ZBTB34: variants seen among roughly 807,000 people sequenced by gnomAD.
The protein encoded by ZBTB34 is zinc finger and BTB domain-containing protein 34.
ZBTB34 carries 1 observed loss-of-function variant against 33.4 expected under a neutral mutation model. The observed-to-expected ratio is 0.03, with a 90% CI of 0.01 to 0.14. The LOEUF is 0.14. ZBTB34 is among the 10% of genes least tolerant of loss of function. The probability of loss-of-function intolerance (pLI) is 1.00; values close to 1 mark genes in which losing one functional copy is unlikely to be tolerated. For synonymous variants in ZBTB34, 283 were observed against 253.5 expected, an observed-to-expected ratio of 1.12 and a Z score of -1.11; for missense variants, 406 against 657.2, an observed-to-expected ratio of 0.62 and a Z score of 4.18.
At chr9:126,878,616 G>T (rs944564480) in intron 1 of ZBTB34, among the ~76,000 whole-genome samples, 1 of 151,984 alleles carries the variant, frequency 6.6e-6, no homozygotes, top group African/African-American at 2.4e-5. Flanking sequence ...ACTGAAAAGG[G>T]TTTAGCTCCA....
At chr9:126,871,403 G>A (rs1446222651) in intron 1 of ZBTB34, among the ~76,000 whole-genome samples, 1 of 143,924 alleles carries the variant, frequency 6.9e-6, no homozygotes, top group African/African-American at 2.6e-5. Flanking sequence ...TCGCTCTGTC[G>A]CCAGGCTGGA....
chr9:126,875,492 AT>A (rs1296496571), intron 1 of ZBTB34, among the ~76,000 whole-genome samples: 1 of 151,940 alleles, frequency 6.6e-6, no homozygotes, highest in African/African-American at 2.4e-5. Flanking sequence ...CTCTCTCTTC[AT>A]TTATACAGGC....
intron 1 of ZBTB34, among the ~76,000 whole-genome samples, chr9:126,874,485 C>T (rs1452260632): frequency 6.6e-6 from 1 of 152,078 alleles, no homozygotes. Flanking sequence ...GTTCTGGTAT[C>T]TTTGTGTGCT....
At chr9:126,872,907 C>G (rs550514137) in intron 1 of ZBTB34, among the ~76,000 whole-genome samples, 1 of 152,116 alleles carries the variant, frequency 6.6e-6, no homozygotes, top group Non-Finnish European at 1.5e-5. Flanking sequence ...CATGGCGTTC[C>G]GTTTTTCTCA....
chr9:126,875,832 G>C (rs747065525), intron 1 of ZBTB34, among the ~76,000 whole-genome samples: 3 of 152,010 alleles, frequency 2.0e-5, no homozygotes, highest in Admixed American at 1.3e-4. Flanking sequence ...AGTGAGAGTC[G>C]TGATGGCAGA....
chr9:126,863,339 G>A (rs760647021), intron 1 of ZBTB34, among the ~76,000 whole-genome samples: 2 of 152,148 alleles, frequency 1.3e-5, no homozygotes, highest in Non-Finnish European at 2.9e-5. Context: ...TTTCATTATT[G>A]TTATTGTCAT....
In ZBTB34 at chr9:126,874,734, A is replaced by G. The variant is rs191465829; in HGVS notation, c.-10-4656A>G. ...ACTTCCAGCACGTCCTTCCTCCCCAACCCTTTGTACGTGTGATTCCTTCTG... is the reference window on the plus strand; with the variant it reads ...ACTTCCAGCACGTCCTTCCTCCCCAGCCCTTTGTACGTGTGATTCCTTCTG... On this transcript the variant is annotated intron_variant, in intron 1 of 1. Coordinates refer to ENST00000319119, the Ensembl canonical transcript of ZBTB34. Among the ~76,000 whole-genome samples the G allele has an allele frequency of 1.1e-3, 166 of 151,706 alleles. 1 individual carries two copies. Among genetic ancestry groups the G allele is most frequent in the African/African-American group, 3.7e-3 (154 of 41,370 alleles).
At position 126,865,909 on chromosome 9, in the gene ZBTB34, T is replaced by C. The variant is rs913091870; in HGVS notation, c.-11+5170T>C. Among the ~76,000 whole-genome samples, 3 of 152,106 alleles carry C rather than the reference T, an allele frequency of 2.0e-5. No homozygotes were observed. The South Asian group carries it at 6.2e-4, about 31-fold the overall frequency. ...CTGAGGCATGAGAATCACTTGAACC[T>C]GGGTGGCGGAGGTTACAGTGAGCCG... On this transcript the variant is annotated intron_variant, in intron 1 of 1. Coordinates refer to ENST00000319119, the Ensembl canonical transcript of ZBTB34.
chr9:126,869,485 G>A (rs900872370), intron 1 of ZBTB34, among the ~76,000 whole-genome samples: 8 of 152,132 alleles, frequency 5.3e-5, no homozygotes, highest in African/African-American at 1.4e-4. Context: ...AGCTGGTCAC[G>A]GATGATGACG....
chr9:126,882,468 G>A (rs149197870), exon 2 of ZBTB34: 35 of 167,196 alleles, frequency 2.1e-4, no homozygotes, highest in African/African-American at 7.5e-4. Context: ...CTTCAGTTCT[G>A]TATTGTGTTC....
rs747140367 is a variant in ZBTB34 at position 126,880,783 on chromosome 9, A to G, written c.1384A>G (p.Arg462Gly). Residue 462 changes from arginine (R) to glycine (G), a missense_variant, in exon 2 of 2, where the codon AGG becomes GGG. Coordinates refer to ENST00000319119, the Ensembl canonical transcript of ZBTB34. This position sits in a 1 kb window ranked among gnomAD's most constrained non-coding sequence, Gnocchi z 6.7. ...AAACCACCCAGGCGTTGCTGAAGTC[A>G]GGAGTCGCATTGAGTCCCCCGAGAG... is the stretch of plus-strand genomic sequence containing the variant. 6.2e-6 allele frequency: 10 copies of G among 1,613,822 alleles called. No individual in the cohort carries two copies. The highest frequency in any genetic ancestry group is 1.1e-5 in the South Asian group (1 of 91,072).
exon 2 of ZBTB34, chr9:126,885,758 T>C (rs2033514514): frequency 6.0e-6 from 1 of 167,154 alleles, no homozygotes; most frequent in African/African-American, 2.4e-5. Flanking sequence ...GTGACATGAA[T>C]ATTTCAGTGC....
Position 126,879,567 on chromosome 9 carries a change from C to G in ZBTB34, c.168C>G (p.Ala56=), listed in dbSNP as rs2033405934. ...GAGCCCACAAAGCAGTCCTTGCTGC[C>G]AGCTCCCCATATTTCCGGGACCATT... The change falls in exon 2 of 2, where the codon GCC becomes GCG. Residue 56 remains alanine (A), a synonymous_variant. Coordinates refer to ENST00000319119, the Ensembl canonical transcript of ZBTB34. The surrounding 1 kb of genome is among the most constrained non-coding windows in gnomAD (Gnocchi z 6.4). The G allele has an allele frequency of 6.2e-7, 1 of 1,613,914 alleles. No individual in the cohort carries two copies.
In ZBTB34 at chr9:126,880,985, T is replaced by G; in HGVS notation, c.*71T>G. ...ATTTGTGATTTGCTTTGTTGTAATC[T>G]TTGGTTTTCCCAACCATCTGGAAAT... On this transcript the variant is annotated 3_prime_UTR_variant, in exon 2 of 2. Transcript: ENST00000319119. The surrounding 1 kb of genome is among the most constrained non-coding windows in gnomAD (Gnocchi z 6.7). 6.8e-7 allele frequency: 1 copy of G among 1,472,382 alleles called. No homozygotes were observed. The highest frequency in any genetic ancestry group is 9.1e-7 in the Non-Finnish European group (1 of 1,102,104). The allele number at this position is 1,472,382 out of a possible 1,614,324, so 91.2% of individuals were successfully genotyped here.
intron 1 of ZBTB34, among the ~76,000 whole-genome samples, chr9:126,870,964 A>G (rs939921719): frequency 6.6e-6 from 1 of 152,054 alleles, no homozygotes; most frequent in Non-Finnish European, 1.5e-5. Context: ...AATGAGGTAC[A>G]TCTTTCACCT....
At chr9:126,864,461 G>T (rs1217293684) in intron 1 of ZBTB34, among the ~76,000 whole-genome samples, 1 of 152,090 alleles carries the variant, frequency 6.6e-6, no homozygotes, top group Non-Finnish European at 1.5e-5. Flanking sequence ...AAGACAAATC[G>T]CACCCTCTTG....
At chr9:126,868,738 C>T (rs1486185649) in intron 1 of ZBTB34, among the ~76,000 whole-genome samples, 1 of 152,198 alleles carries the variant, frequency 6.6e-6, no homozygotes, top group African/African-American at 2.4e-5. Flanking sequence ...TGAACTTGGG[C>T]TGAACCCTGT....
intron 1 of ZBTB34, among the ~76,000 whole-genome samples, chr9:126,872,625 T>G (rs2033295953): frequency 6.6e-6 from 1 of 152,184 alleles, no homozygotes; most frequent in Non-Finnish European, 1.5e-5. Flanking sequence ...ACCTGATAAA[T>G]CTACACATGG....
chr9:126,871,182 G>GT (rs1564222199), intron 1 of ZBTB34, among the ~76,000 whole-genome samples: 6,183 of 122,338 alleles, frequency 0.051, 169 homozygotes, highest in African/African-American at 0.097. Context: ...AAGTGAGGGG[G>GT]GTGTGTGTGT....
Sources: gnomAD v4.1 joint callset for allele counts (sites outside exome capture counted in the v4.1 genomes callset) on GRCh38, gnomAD v4.1.1 for gene constraint, Gnocchi (gnomAD v3.1) non-coding constraint, MANE v1.5 for transcripts, NCBI Gene and HGNC (gene_info 2026-07-23, HGNC 2026-07-21) for gene names.